The following COL23A1 variants were observed in gnomAD, a reference collection of about 807,000 sequenced individuals.
COL23A1 encodes the protein collagen type XXIII alpha 1 chain.
Under a neutral mutation model 99.3 loss-of-function variants are expected in COL23A1, and 97 were observed. That is an observed-to-expected ratio of 0.98 (90% CI 0.83 to 1.16). COL23A1 has a LOEUF of 1.16. Among genes scored for constraint, COL23A1 ranks in the 50% most tolerant of loss-of-function variants. COL23A1 has a pLI of 0.00. For missense variants in COL23A1, 762 were observed against 757.4 expected (o/e 1.01, Z -0.07); for synonymous variants, 320 against 308.2 (o/e 1.04, Z -0.40).
chr5:178,263,358 G>T (rs1270267092), intron 8 of COL23A1, 34 bp from the exon 9 acceptor site: 1 of 1,361,274 alleles, frequency 7.3e-7, no homozygotes, highest in Non-Finnish European at 1.0e-6. Context: ...GACTCTGAGG[G>T]GGAGGGGGTC....
chr5:178,339,674 G>C (rs1760544606), intron 2 of COL23A1, among the ~76,000 whole-genome samples: 1 of 152,228 alleles, frequency 6.6e-6, no homozygotes, highest in African/African-American at 2.4e-5. Flanking sequence ...CATGAGTGGG[G>C]GGACGTGAAT....
chr5:178,350,960 G>C (rs1225157191), intron 2 of COL23A1: 3 of 152,346 alleles, frequency 2.0e-5, no homozygotes, highest in African/African-American at 7.2e-5. Context: ...CCCAACCAGG[G>C]AGGGACCACT....
At chr5:178,478,134 C>T (rs956074049) in intron 2 of COL23A1, among the ~76,000 whole-genome samples, 4 of 152,266 alleles carry the variant, frequency 2.6e-5, no homozygotes, top group African/African-American at 9.6e-5. Context: ...CCTGCGGGCC[C>T]CCGACAGGCC....
intron 5 of COL23A1, among the ~76,000 whole-genome samples, chr5:178,273,596 C>T (rs1021402107): frequency 7.9e-5 from 12 of 152,232 alleles, no homozygotes; most frequent in Admixed American, 5.9e-4. Context: ...AAGTCCAATT[C>T]TCGGAAGCCG....
chr5:178,430,456 AAAG>A (rs1766198479), intron 2 of COL23A1, among the ~76,000 whole-genome samples: 1 of 152,180 alleles, frequency 6.6e-6, no homozygotes, highest in Non-Finnish European at 1.5e-5. Context: ...GAAGACAAGG[AAAG>A]AAGAGTAGTT....
intron 2 of COL23A1, among the ~76,000 whole-genome samples, chr5:178,524,574 C>A (rs558072194): frequency 1.4e-4 from 22 of 152,192 alleles, no homozygotes; most frequent in Non-Finnish European, 2.5e-4. Context: ...TGGAAATGGT[C>A]GGGCATTGAC....
chr5:178,268,737 C>G lies in COL23A1; in HGVS notation c.488G>C (p.Gly163Ala), dbSNP rs1581490227. 2 of 1,603,984 alleles carry G rather than the reference C, an allele frequency of 1.2e-6. No homozygotes were observed. The highest frequency in any genetic ancestry group is 1.1e-5 in the South Asian group (1 of 88,852). ...GCCTCTGGCATCACTTACCTTTTCC[C>G]CTTTCGGGCCTGGAAGTCCCTGGAA... ...DGKPGLPGPKGEKGAPGDFGP... is the reference protein window; with the variant it reads ...DGKPGLPGPKAEKGAPGDFGP... The change falls in exon 7 of 29, where the codon GGG (glycine) becomes GCG (alanine). Residue 163 changes from glycine (G) to alanine (A), a missense_variant. Transcript: ENST00000390654.
Position 178,361,320 on chromosome 5 carries a change from G to A in COL23A1, c.362-54401C>T, listed in dbSNP as rs558630912. 1.2e-4 allele frequency among the ~76,000 whole-genome samples: 19 copies of A among 152,298 alleles called. No individual in the cohort carries two copies. The East Asian group carries it at 2.5e-3, about 20-fold the overall frequency. On this transcript the variant is annotated intron_variant, in intron 2 of 28. Coordinates refer to ENST00000390654, the MANE Select transcript of COL23A1 (RefSeq NM_173465.4). ...AGACGATCTCTTGAGTCAGCTGGAAGGATTGGGAGAGATCTGAAGGCTTTT... is the reference window on the plus strand; with the variant it reads ...AGACGATCTCTTGAGTCAGCTGGAAAGATTGGGAGAGATCTGAAGGCTTTT...
rs534422226 is a variant in COL23A1 at position 178,481,405 on chromosome 5, A to C, written c.361+79277T>G. Among the ~76,000 whole-genome samples, 246 of 152,302 alleles carry C rather than the reference A, an allele frequency of 1.6e-3. 2 individuals are homozygous for C. In the South Asian group the frequency reaches 0.019, roughly 12 times the overall value. On this transcript the variant is annotated intron_variant, in intron 2 of 28. Coordinates refer to ENST00000390654, the MANE Select transcript of COL23A1 (RefSeq NM_173465.4). The stretch of plus-strand genomic sequence containing the variant: ...TCATCAAAATTAAAAACTTTTGTGT[A>C]TCAAAGGACACTACTGAGAGAGTAT...
intron 2 of COL23A1, among the ~76,000 whole-genome samples, chr5:178,416,154 A>T (rs1306716250): frequency 6.6e-6 from 1 of 152,140 alleles, no homozygotes; most frequent in African/African-American, 2.4e-5. Context: ...GTTGCCAGGG[A>T]CCCAATATAG....
chr5:178,284,959 C>CT (rs1352065005), intron 5 of COL23A1, among the ~76,000 whole-genome samples: 1 of 151,994 alleles, frequency 6.6e-6, no homozygotes, highest in African/African-American at 2.4e-5. Context: ...ATTAGAGATG[C>CT]TTTTTCCTTG....
At chr5:178,444,939 GTATA>G (rs1322026266) in intron 2 of COL23A1, among the ~76,000 whole-genome samples, 10 of 152,180 alleles carry the variant, frequency 6.6e-5, no homozygotes, top group Non-Finnish European at 1.3e-4. Context: ...GCTACACAAT[GTATA>G]CACAGCACTT....
intron 3 of COL23A1, among the ~76,000 whole-genome samples, chr5:178,298,349 A>G (rs1205395108): frequency 6.6e-6 from 1 of 152,144 alleles, no homozygotes; most frequent in Non-Finnish European, 1.5e-5. Flanking sequence ...TGATCTTGAG[A>G]GTCCCCGATG....
At chr5:178,337,140 TG>T (rs1760375795) in intron 2 of COL23A1, among the ~76,000 whole-genome samples, 1 of 152,218 alleles carries the variant, frequency 6.6e-6, no homozygotes, top group Non-Finnish European at 1.5e-5. Flanking sequence ...GTTGCACGTG[TG>T]GGCCACGACA....
intron 1 of COL23A1, among the ~76,000 whole-genome samples, chr5:178,579,416 G>T (rs570547689): frequency 3.3e-5 from 5 of 152,324 alleles, no homozygotes; most frequent in Non-Finnish European, 7.3e-5. Context: ...GAAAATAGCA[G>T]TGCTGGGATG....
At chr5:178,577,329 C>G (rs1763426325) in intron 1 of COL23A1, among the ~76,000 whole-genome samples, 1 of 152,086 alleles carries the variant, frequency 6.6e-6, no homozygotes, top group African/African-American at 2.4e-5. Context: ...TGGATCAGGG[C>G]CCCCCCACAA....
At chr5:178,298,968 C>G (rs1757892842) in intron 3 of COL23A1, among the ~76,000 whole-genome samples, 1 of 152,202 alleles carries the variant, frequency 6.6e-6, no homozygotes, top group African/African-American at 2.4e-5. Flanking sequence ...ATATGATGTA[C>G]TGCATTGATT....
At chr5:178,429,119 G>A (rs925921759) in intron 2 of COL23A1, among the ~76,000 whole-genome samples, 3 of 152,198 alleles carry the variant, frequency 2.0e-5, no homozygotes, top group Non-Finnish European at 2.9e-5. Flanking sequence ...CCAGGCACCA[G>A]GGCATTTCAG....
intron 2 of COL23A1, among the ~76,000 whole-genome samples, chr5:178,315,762 CTTTT>C (rs34604670): frequency 7.1e-4 from 69 of 96,754 alleles, no homozygotes; most frequent in African/African-American, 2.6e-3. Context: ...GAAGCACTGA[CTTTT>C]TTTTTTTTTT....
Sources: gnomAD v4.1 joint callset for allele counts (sites outside exome capture counted in the v4.1 genomes callset) on GRCh38, gnomAD v4.1.1 for gene constraint, MANE v1.5 for transcripts, NCBI Gene and HGNC (gene_info 2026-07-23, HGNC 2026-07-21) for gene names.